The following TEK variants were observed in gnomAD, a reference collection of about 807,000 sequenced individuals.
The protein encoded by TEK is TEK receptor tyrosine kinase, also known as angiopoietin-1 receptor.
TEK carries 43 observed loss-of-function variants against 131.8 expected under a neutral mutation model. That is an observed-to-expected ratio of 0.33 (90% CI 0.26 to 0.42). The LOEUF is 0.42. Ranked by LOEUF, TEK falls within the 10% of genes least tolerant of loss-of-function variation. The pLI, the probability that TEK is intolerant of heterozygous loss-of-function variation, is 1.00. For missense variants in TEK, 1,162 were observed against 1,384.4 expected (o/e 0.84, Z 2.55); for synonymous variants, 580 against 491.6 (o/e 1.18, Z -2.38).
At chr9:27,173,007 C>T (rs948813580) in intron 5 of TEK, among the ~76,000 whole-genome samples, 1 of 152,060 alleles carries the variant, frequency 6.6e-6, no homozygotes, top group African/African-American at 2.4e-5. Context: ...CTGCACAAAC[C>T]TGCATGATTG....
At chr9:27,171,046 AG>A (rs2131145638) in intron 4 of TEK, among the ~76,000 whole-genome samples, 1 of 152,294 alleles carries the variant, frequency 6.6e-6, no homozygotes, top group South Asian at 2.1e-4. Context: ...CACACTTCCC[AG>A]GTCATTTAAC....
chr9:27,166,027 A>G (rs1823717692), intron 2 of TEK, among the ~76,000 whole-genome samples: 1 of 152,246 alleles, frequency 6.6e-6, no homozygotes, highest in African/African-American at 2.4e-5. Flanking sequence ...GTCTTTCTCA[A>G]ACCACCATCT....
At chr9:27,186,482 A>G (rs1288436293) in intron 9 of TEK, among the ~76,000 whole-genome samples, 1 of 152,222 alleles carries the variant, frequency 6.6e-6, no homozygotes, top group Non-Finnish European at 1.5e-5. Flanking sequence ...ATGAGAAGAA[A>G]AAAAGTCTGT....
chr9:27,132,401 A>G (rs528394468), intron 1 of TEK, among the ~76,000 whole-genome samples: 2 of 152,230 alleles, frequency 1.3e-5, no homozygotes, highest in Non-Finnish European at 2.9e-5. Context: ...AAAAATAATT[A>G]TAGAAGAACC....
chr9:27,217,202 T>A (rs1250464468), intron 18 of TEK, among the ~76,000 whole-genome samples: 1 of 152,194 alleles, frequency 6.6e-6, no homozygotes, highest in Non-Finnish European at 1.5e-5. Flanking sequence ...TCCTCTCCCA[T>A]CTACCTAATG....
chr9:27,198,063 T>TC (rs1554698525), intron 12 of TEK, among the ~76,000 whole-genome samples: 4 of 152,152 alleles, frequency 2.6e-5, no homozygotes, highest in South Asian at 2.1e-4. Context: ...ACTTTTTTTT[T>TC]CCAAAGTATT....
intron 1 of TEK, among the ~76,000 whole-genome samples, chr9:27,138,936 A>C (rs1304802819): frequency 6.6e-6 from 1 of 152,068 alleles, no homozygotes; most frequent in Non-Finnish European, 1.5e-5. Flanking sequence ...TTAGATGGGC[A>C]CGGTGGCTCA....
intron 2 of TEK, among the ~76,000 whole-genome samples, chr9:27,165,032 A>AGAGAGCAATCAGCCTAGAGACATTCATG (rs1823675819): frequency 6.6e-6 from 1 of 152,078 alleles, no homozygotes; most frequent in East Asian, 1.9e-4. Flanking sequence ...TTAGTACTCA[A>AGAGAGCAATCAGCCTAGAGACATTCATG]CAGAGAGCAA....
chr9:27,110,916 G>T (rs550635458), intron 1 of TEK, among the ~76,000 whole-genome samples: 2 of 17,282 alleles, frequency 1.2e-4, no homozygotes, highest in East Asian at 0.012. Flanking sequence ...TTCCATTTTT[G>T]ATTTTTTTTT....
chr9:27,138,580 T>C (rs1230357317), intron 1 of TEK, among the ~76,000 whole-genome samples: 1 of 152,194 alleles, frequency 6.6e-6, no homozygotes, highest in Non-Finnish European at 1.5e-5. Context: ...CCTCTCACTT[T>C]TAAAACTGTT....
intron 1 of TEK, among the ~76,000 whole-genome samples, chr9:27,141,268 A>T: frequency 6.6e-6 from 1 of 150,942 alleles, no homozygotes; most frequent in Non-Finnish European, 1.5e-5. Flanking sequence ...TATTTTGTTT[A>T]TATTTATCTT....
intron 17 of TEK, among the ~76,000 whole-genome samples, chr9:27,213,189 T>G (rs914490591): frequency 2.0e-5 from 3 of 152,222 alleles, no homozygotes; most frequent in Non-Finnish European, 4.4e-5. Flanking sequence ...TAAGCTCTCT[T>G]AGCCTGGTTT....
chr9:27,201,834 G>C (rs1362023632), intron 12 of TEK, among the ~76,000 whole-genome samples: 2 of 152,186 alleles, frequency 1.3e-5, no homozygotes, highest in African/African-American at 4.8e-5. Flanking sequence ...ACTGGGACAA[G>C]TACAAACCCC....
At position 27,109,462 on chromosome 9, in the gene TEK, T is replaced by G. The variant is rs1821245451; in HGVS notation, c.-129T>G. The stretch of plus-strand genomic sequence containing the variant: ...AGCCTGCTTCTGTGCTGTTCCTTCT[T>G]GCCTCTAACTTGTAAACAAGACGTA... On this transcript the variant is annotated 5_prime_UTR_variant, in exon 1 of 23. Transcript: ENST00000380036. 2.2e-6 allele frequency: 2 copies of G among 916,196 alleles called. No homozygotes were observed. The highest frequency in any genetic ancestry group is 3.5e-5 in the Admixed American group (2 of 57,166). The allele number at this position is 916,196 out of a possible 1,614,324, so 56.8% of individuals were successfully genotyped here.
chr9:27,193,847 C>T (rs879676830), intron 11 of TEK, among the ~76,000 whole-genome samples: 2 of 152,154 alleles, frequency 1.3e-5, no homozygotes, highest in Non-Finnish European at 2.9e-5. Context: ...CTCTGTCACT[C>T]AAGCTGGAGA....
intron 1 of TEK, among the ~76,000 whole-genome samples, chr9:27,156,707 G>A (rs1823345428): frequency 6.6e-6 from 1 of 152,116 alleles, no homozygotes; most frequent in South Asian, 2.1e-4. Flanking sequence ...TGAGATAATG[G>A]TGCATACCTC....
At chr9:27,181,073 C>G (rs1824353238) in intron 7 of TEK, among the ~76,000 whole-genome samples, 1 of 152,156 alleles carries the variant, frequency 6.6e-6, no homozygotes, top group African/African-American at 2.4e-5. Flanking sequence ...TTTCTGACAA[C>G]CATTTATTTG....
intron 16 of TEK, among the ~76,000 whole-genome samples, chr9:27,211,455 GAGA>G (rs1825627088): frequency 9.4e-5 from 7 of 74,134 alleles, no homozygotes; most frequent in South Asian, 6.8e-4. Context: ...TTTTTTTTTT[GAGA>G]TAGATAGATA....
chr9:27,213,700 C>A, intron 18 of TEK, 103 bp downstream of exon 18: 1 of 855,068 alleles, frequency 1.2e-6, no homozygotes, highest in South Asian at 1.4e-5. Context: ...ACTGAAGCAT[C>A]TGACTGTATG....
Sources: allele counts gnomAD v4.1 joint callset (sites outside exome capture counted in the v4.1 genomes callset), GRCh38; gene constraint gnomAD v4.1.1; transcripts MANE v1.5; gene names NCBI Gene and HGNC (gene_info 2026-07-23, HGNC 2026-07-21).